Variants in ATP13A4 observed in about 807,000 individuals in gnomAD.
ATP13A4 encodes ATPase 13A4, also known as probable cation-transporting ATPase 13A4.
ATP13A4 carries 114 observed loss-of-function variants against 142.5 expected under a neutral mutation model. The ratio of observed to expected loss-of-function variants is 0.80; its 90% confidence interval spans 0.69 to 0.93. The LOEUF (loss-of-function observed/expected upper bound fraction) is 0.93, where lower values mean the gene tolerates loss of function less well. Among genes scored for constraint, ATP13A4 ranks in the 40% least tolerant of loss-of-function variants. The pLI is 0.00. For synonymous variants in ATP13A4, 488 were observed against 514.8 expected, an observed-to-expected ratio of 0.95 and a Z score of 0.70; for missense variants, 1,392 against 1,454.0, an observed-to-expected ratio of 0.96 and a Z score of 0.69.
In ATP13A4 at chr3:193,412,271, T is replaced by C. The variant is rs1391307171; in HGVS notation, c.3115A>G (p.Thr1039Ala). ...ATTGTTCCCAAGAACCAGACTGTAG[T>C]GTTCTCAAAACTTGTGAAGGTGCTA... ...SNSTFTSFEN[T>A]TVWFLGTINC... The change falls in exon 27 of 30, where the codon ACT (threonine) becomes GCT (alanine). Residue 1039 changes from threonine (T) to alanine (A), a missense_variant. Transcript: ENST00000342695. The C allele has an allele frequency of 1.2e-6, 2 of 1,613,436 alleles. No homozygotes were observed. Among genetic ancestry groups the C allele is most frequent in the South Asian group, 2.2e-5 (2 of 91,062 alleles).
At chr3:193,413,713 GA>G (rs936701220) in intron 26 of ATP13A4, among the ~76,000 whole-genome samples, 1 of 152,178 alleles carries the variant, frequency 6.6e-6, no homozygotes, top group Non-Finnish European at 1.5e-5. Flanking sequence ...TAGGATGGGG[GA>G]AAAAACCCCA....
chr3:193,483,992 A>C lies in ATP13A4; in HGVS notation c.752T>G (p.Leu251Arg). 6.2e-7 allele frequency: 1 copy of C among 1,609,094 alleles called. No homozygotes were observed. The highest frequency in any genetic ancestry group is 1.7e-5 in the Admixed American group (1 of 59,998). ...ATTATGTGACTCGACGAGATGGTGGAGTTTTACAGATTGCTGAAAAAGAAG... is the reference window on the plus strand; with the variant it reads ...ATTATGTGACTCGACGAGATGGTGGCGTTTTACAGATTGCTGAAAAAGAAG... Reference protein sequence around the residue: ...VYDLREQSVKLHHLVESHNSI... With the variant: ...VYDLREQSVKRHHLVESHNSI... The change falls in exon 8 of 30, where the codon CTC becomes CGC. Residue 251 changes from leucine to arginine, a missense_variant. Leu to Arg is a moderately radical substitution (Grantham distance 102). Transcript: ENST00000342695.
intron 2 of ATP13A4, among the ~76,000 whole-genome samples, chr3:193,560,478 G>T (rs1225366407): frequency 6.6e-6 from 1 of 152,152 alleles, no homozygotes; most frequent in East Asian, 1.9e-4. Flanking sequence ...AAAGTGCTGG[G>T]ATGACAGGTG....
At position 193,468,245 on chromosome 3, in the gene ATP13A4, T is replaced by G. The variant is rs1005052039; in HGVS notation, c.944-759A>C. On this transcript the variant is annotated intron_variant, in intron 9 of 29. Coordinates refer to ENST00000342695, the MANE Select transcript of ATP13A4 (RefSeq NM_032279.4). ...TGACTGAAGGAGGATGTAGAGAGAT[T>G]TAACCACTTTAATCAGGAGAGTAAT... Among the ~76,000 whole-genome samples, 3 of 152,086 alleles carry G rather than the reference T, an allele frequency of 2.0e-5. 1 individual carries two copies. The highest frequency in any genetic ancestry group is 7.2e-5 in the African/African-American group (3 of 41,402).
chr3:193,405,307 A>C (rs1455140664), intron 29 of ATP13A4, among the ~76,000 whole-genome samples: 1 of 152,228 alleles, frequency 6.6e-6, no homozygotes. Context: ...AAATAATGAT[A>C]ATAAGTGGTC....
At position 193,399,030 on chromosome 3, in the gene ATP13A4, C is replaced by T. The variant is rs1412387501; in HGVS notation, c.*3622G>A. Among the ~76,000 whole-genome samples the T allele has an allele frequency of 6.6e-6, 1 of 152,034 alleles. No homozygotes were observed. The highest frequency in any genetic ancestry group is 2.4e-5 in the African/African-American group (1 of 41,378). Reference sequence around the variant, plus strand: ...AAATACAAAGCTCTGAATAAATAATCGTTTTTTTCAGTCATCACATCTGCA... The same window carrying T: ...AAATACAAAGCTCTGAATAAATAATTGTTTTTTTCAGTCATCACATCTGCA... On this transcript the variant is annotated 3_prime_UTR_variant, in exon 30 of 30. Coordinates refer to ENST00000342695, the MANE Select transcript of ATP13A4 (RefSeq NM_032279.4).
intron 1 of ATP13A4, chr3:193,554,414 C>T (rs1723774356): frequency 2.5e-6 from 1 of 392,660 alleles, no homozygotes. Flanking sequence ...GTGTTTTGAA[C>T]AGAACTGGCT....
At chr3:193,476,256 C>A (rs1407715549) in intron 8 of ATP13A4, among the ~76,000 whole-genome samples, 1 of 152,072 alleles carries the variant, frequency 6.6e-6, no homozygotes, top group South Asian at 2.1e-4. Context: ...TCTGGTACTG[C>A]TACTTCCCCG....
intron 22 of ATP13A4, 114 bp from the exon 23 acceptor site, chr3:193,438,698 T>C (rs923745696): frequency 6.8e-6 from 6 of 883,140 alleles, no homozygotes; most frequent in Middle Eastern, 2.1e-4. Context: ...GCCCAAACTC[T>C]AACCAAGAGA....
chr3:193,489,208 T>C (rs1328911854), intron 7 of ATP13A4, among the ~76,000 whole-genome samples: 2 of 152,054 alleles, frequency 1.3e-5, no homozygotes, highest in African/African-American at 2.4e-5. Flanking sequence ...CCGGATGAGG[T>C]TGGCATTCAC....
intron 2 of ATP13A4, among the ~76,000 whole-genome samples, chr3:193,563,255 G>A (rs1385405826): frequency 6.6e-6 from 1 of 152,174 alleles, no homozygotes; most frequent in Non-Finnish European, 1.5e-5. Context: ...ATTGCTTGAA[G>A]AGTGTCAGCC....
chr3:193,482,470 T>A (rs1223337838), intron 8 of ATP13A4, among the ~76,000 whole-genome samples: 1 of 152,052 alleles, frequency 6.6e-6, no homozygotes, highest in Non-Finnish European at 1.5e-5. Context: ...GTAAAGAGAA[T>A]GGGAAGGTAA....
At chr3:193,535,407 C>T (rs938548251) in intron 1 of ATP13A4, among the ~76,000 whole-genome samples, 1 of 151,874 alleles carries the variant, frequency 6.6e-6, no homozygotes, top group African/African-American at 2.4e-5. Flanking sequence ...CCACTGGAAA[C>T]TAAACAACAC....
In ATP13A4 at chr3:193,417,893, C is replaced by A. The variant is rs557596045; in HGVS notation, c.2843-3143G>T. On this transcript the variant is annotated intron_variant, in intron 25 of 29. Coordinates refer to ENST00000342695, the MANE Select transcript of ATP13A4 (RefSeq NM_032279.4). ...ATCCCAGCACTTTGGGAGGCCAAGG[C>A]GGGCGGATCACAAGGTCAGGAGATC... 1.0e-4 allele frequency among the ~76,000 whole-genome samples: 15 copies of A among 146,930 alleles called. No individual in the cohort carries two copies. The South Asian group carries it at 3.0e-3, about 30-fold the overall frequency.
intron 1 of ATP13A4, among the ~76,000 whole-genome samples, chr3:193,536,650 A>G (rs923253239): frequency 3.3e-5 from 5 of 152,052 alleles, no homozygotes; most frequent in African/African-American, 1.2e-4. Context: ...TAGATAAGAA[A>G]AGGAAATAAA....
intron 24 of ATP13A4, among the ~76,000 whole-genome samples, chr3:193,435,238 C>A (rs1716198601): frequency 7.5e-6 from 1 of 132,916 alleles, no homozygotes; most frequent in Admixed American, 8.3e-5. Flanking sequence ...CTGAAATGGG[C>A]AAACATTAAT....
At chr3:193,558,282 T>C (rs145786752), upstream of ATP13A4, among the ~76,000 whole-genome samples, 363 of 152,294 alleles carry the variant, frequency 2.4e-3, no homozygotes, top group Non-Finnish European at 3.8e-3. Context: ...ACCCTCCCTT[T>C]CCTTAATTGT....
At chr3:193,562,322 T>C (rs1455892536) in intron 2 of ATP13A4, among the ~76,000 whole-genome samples, 4 of 152,350 alleles carry the variant, frequency 2.6e-5, no homozygotes, top group African/African-American at 9.6e-5. Flanking sequence ...TCTATTGTCA[T>C]AGCAAGATGT....
At chr3:193,502,775 TCTGAA>T in intron 2 of ATP13A4, 136 bp from the exon 3 acceptor site, 2 of 950,264 alleles carry the variant, frequency 2.1e-6, no homozygotes, top group Non-Finnish European at 3.2e-6. Flanking sequence ...ACGGTTTGTC[TCTGAA>T]AGATGATGGA....
Sources: allele counts gnomAD v4.1 joint callset (sites outside exome capture counted in the v4.1 genomes callset), GRCh38; gene constraint gnomAD v4.1.1; transcripts MANE v1.5; gene names NCBI Gene and HGNC (gene_info 2026-07-23, HGNC 2026-07-21).